MYO9A: variants seen among roughly 807,000 people sequenced by gnomAD.
MYO9A encodes unconventional myosin-IXa.
Under a neutral mutation model 293.3 loss-of-function variants are expected in MYO9A, and 103 were observed. The ratio of observed to expected loss-of-function variants is 0.35; its 90% CI spans 0.30 to 0.41. MYO9A has a LOEUF of 0.41. Ranked by LOEUF, MYO9A falls within the 10% of genes least tolerant of loss-of-function variation. MYO9A has a pLI of 1.00. For synonymous variants in MYO9A, 1,001 were observed against 1,035.7 expected (o/e 0.97, Z 0.64); for missense variants, 2,685 against 3,033.0 (o/e 0.89, Z 2.69).
chr15:71,925,268 TATATAC>T (rs2058272010), intron 18 of MYO9A, among the ~76,000 whole-genome samples: 6 of 149,324 alleles, frequency 4.0e-5, no homozygotes, highest in Middle Eastern at 3.5e-3. Context: ...CATATATACA[TATATAC>T]ATATACGTAT....
chr15:71,826,479 A>G lies in MYO9A; in HGVS notation c.*101T>C, dbSNP rs966818304. 10 of 1,180,372 alleles carry G rather than the reference A, an allele frequency of 8.5e-6. No individual in the cohort carries two copies. The African/African-American group carries it at 1.5e-4, about 18-fold the overall frequency. The allele number at this position is 1,180,372 out of a possible 1,614,324, so 73.1% of individuals were successfully genotyped here. A position where few individuals can be genotyped will look rare whatever the true frequency, so the allele number is the denominator to read the frequency against. ...ATATGCTTAGAAAAGAGGCAGGACC[A>G]CAATTAGGATTGACTATTGTGGACG... is the stretch of plus-strand genomic sequence containing the variant. On this transcript the variant is annotated 3_prime_UTR_variant, in exon 42 of 42. Coordinates refer to ENST00000356056, the MANE Select transcript of MYO9A (RefSeq NM_006901.4).
chr15:71,834,729 G>A (rs917828242), intron 39 of MYO9A, among the ~76,000 whole-genome samples: 2 of 152,190 alleles, frequency 1.3e-5, no homozygotes, highest in Non-Finnish European at 2.9e-5. Flanking sequence ...TCATGCCACT[G>A]CACTGCAGCC....
chr15:71,966,045 T>A (rs1395849692), intron 13 of MYO9A, among the ~76,000 whole-genome samples: 1 of 151,464 alleles, frequency 6.6e-6, no homozygotes, highest in Non-Finnish European at 1.5e-5. Flanking sequence ...CCTGGCTAAT[T>A]TTTGTATTTT....
intron 14 of MYO9A, among the ~76,000 whole-genome samples, chr15:71,953,948 T>G (rs1413962746): frequency 6.6e-6 from 1 of 152,064 alleles, no homozygotes; most frequent in African/African-American, 2.4e-5. Flanking sequence ...CAGGCTGGAG[T>G]GCACTGGTGC....
chr15:72,067,583 C>T (rs1164937954), intron 1 of MYO9A, among the ~76,000 whole-genome samples: 1 of 152,070 alleles, frequency 6.6e-6, no homozygotes, highest in Non-Finnish European at 1.5e-5. Context: ...GCCCAGCCTC[C>T]AATATTTATT....
Position 71,824,195 on chromosome 15 carries a change from A to G in MYO9A, c.*2385T>C, listed in dbSNP as rs564038369. The G allele has an allele frequency of 6.6e-6, 1 of 152,328 alleles. No individual in the cohort carries two copies. Among genetic ancestry groups the G allele is most frequent in the African/African-American group, 2.4e-5 (1 of 41,570 alleles). The allele number at this position is 152,328 out of a possible 1,614,324, so 9.4% of individuals were successfully genotyped here. A position where few individuals can be genotyped will look rare whatever the true frequency, so the allele number is the denominator to read the frequency against. On this transcript the variant is annotated 3_prime_UTR_variant, in exon 42 of 42. Transcript: ENST00000356056. ...AAATCCACAAATCTAGCAACTGAAA[A>G]AACAAGTTTTTTTAATTGAATTTTA...
At chr15:71,844,434 G>A (rs1287385454) in intron 39 of MYO9A, among the ~76,000 whole-genome samples, 1 of 152,144 alleles carries the variant, frequency 6.6e-6, no homozygotes, top group African/African-American at 2.4e-5. Context: ...AGAATTCTGT[G>A]AGACCAGTCC....
Position 71,830,046 on chromosome 15 carries a change from C to T in MYO9A, c.7040+63G>A, listed in dbSNP as rs190989699. 2.8e-5 allele frequency: 42 copies of T among 1,495,408 alleles called. No individual in the cohort carries two copies. The East Asian group carries it at 6.3e-4, about 23-fold the overall frequency. 92.6% of individuals were successfully genotyped at this position (1,495,408 alleles called of 1,614,324 possible). On this transcript the variant is annotated intron_variant, in intron 40 of 41. Coordinates refer to ENST00000356056, the MANE Select transcript of MYO9A (RefSeq NM_006901.4). ...TAATAAATAAGAAAAAATAAAGAAA[C>T]GATAGAAGGAAGGAAACAAAAACAG... is the stretch of plus-strand genomic sequence containing the variant.
At chr15:71,848,600 C>T (rs777392093) in intron 39 of MYO9A, among the ~76,000 whole-genome samples, 5 of 152,134 alleles carry the variant, frequency 3.3e-5, no homozygotes, top group Admixed American at 2.0e-4. Context: ...TATTAAGACA[C>T]CAACATTTTA....
At chr15:71,863,406 ATG>A (rs1036731945) in intron 32 of MYO9A, among the ~76,000 whole-genome samples, 2 of 152,080 alleles carry the variant, frequency 1.3e-5, no homozygotes, top group African/African-American at 4.8e-5. Flanking sequence ...TGAACAATAA[ATG>A]TATTATACAT....
At chr15:72,101,304 C>T (rs2080305137) in intron 1 of MYO9A, among the ~76,000 whole-genome samples, 1 of 143,650 alleles carries the variant, frequency 7.0e-6, no homozygotes, top group African/African-American at 2.6e-5. Flanking sequence ...GTTCAGCCCC[C>T]CGCCAGGCCA....
At chr15:71,980,734 A>G (rs560036170) in intron 11 of MYO9A, among the ~76,000 whole-genome samples, 1 of 152,308 alleles carries the variant, frequency 6.6e-6, no homozygotes, top group South Asian at 2.1e-4. Flanking sequence ...GCTACTTGGG[A>G]GGCTGAGGCA....
intron 1 of MYO9A, among the ~76,000 whole-genome samples, chr15:72,066,103 C>A (rs2079013522): frequency 6.6e-6 from 1 of 152,200 alleles, no homozygotes. Flanking sequence ...ATGAGATACA[C>A]ACAGCAGAGC....
At chr15:71,889,651 T>G (rs750463460) in intron 26 of MYO9A, 16 of 151,750 alleles carry the variant, frequency 1.1e-4, no homozygotes, top group Non-Finnish European at 1.6e-4. Context: ...GCAAATAAAT[T>G]GAAAAGTTAG....
chr15:71,885,361 C>T (rs2056988400), intron 27 of MYO9A, among the ~76,000 whole-genome samples: 2 of 152,028 alleles, frequency 1.3e-5, no homozygotes, highest in South Asian at 4.1e-4. Flanking sequence ...CTACTTTATT[C>T]TAGAGGATTT....
In MYO9A at chr15:71,879,756, G is replaced by A; in HGVS notation, c.5704C>T (p.Gln1902Ter). 6.2e-7 allele frequency: 1 copy of A among 1,613,434 alleles called. No homozygotes were observed. Among genetic ancestry groups the A allele is most frequent in the Non-Finnish European group, 8.5e-7 (1 of 1,179,522 alleles). The change falls in exon 30 of 42, where the codon CAG (glutamine) becomes TAG (stop). Residue 1902 changes from glutamine to a stop codon, truncating the protein, a stop_gained. Coordinates refer to ENST00000356056, the MANE Select transcript of MYO9A (RefSeq NM_006901.4). LOFTEE classifies it high-confidence loss of function. ...VFKKALKEFR[Q>*]NIFSFYSSAL... ...GATGAATAAAAGCTGAAGATATTCTGCCGAAATTCCTTCAGGGCTTTTTTA... is the reference window on the plus strand; with the variant it reads ...GATGAATAAAAGCTGAAGATATTCTACCGAAATTCCTTCAGGGCTTTTTTA...
At chr15:72,013,234 A>T (rs2077226085) in intron 6 of MYO9A, among the ~76,000 whole-genome samples, 1 of 152,206 alleles carries the variant, frequency 6.6e-6, no homozygotes, top group East Asian at 1.9e-4. Context: ...GAAACAATAT[A>T]AAACCTACAG....
At chr15:71,901,166 A>G (rs374488080) in intron 23 of MYO9A, 25 bp downstream of exon 23, 4 of 1,596,950 alleles carry the variant, frequency 2.5e-6, no homozygotes, top group Non-Finnish European at 3.4e-6. Context: ...AGTCAATCTC[A>G]TGCAAAGAAT....
intron 33 of MYO9A, among the ~76,000 whole-genome samples, chr15:71,860,052 C>T (rs945076810): frequency 1.3e-4 from 20 of 152,172 alleles, no homozygotes; most frequent in Non-Finnish European, 2.9e-4. Flanking sequence ...CAAAGCTGCT[C>T]ATCCTGCCCC....
Sources: allele counts gnomAD v4.1 joint callset (sites outside exome capture counted in the v4.1 genomes callset), GRCh38; gene constraint gnomAD v4.1.1; transcripts MANE v1.5; gene names NCBI Gene and HGNC (gene_info 2026-07-23, HGNC 2026-07-21).